Variants in NEK1 observed in about 807,000 individuals in gnomAD.
The protein encoded by NEK1 is NIMA related kinase 1.
A neutral mutation model predicts 182.1 loss-of-function variants in NEK1; 137 were observed. The ratio of observed to expected loss-of-function variants is 0.75; its 90% CI spans 0.65 to 0.87. The LOEUF is 0.87. NEK1 is among the 40% of genes least tolerant of loss of function. The probability of loss-of-function intolerance (pLI) is 0.00; values close to 1 mark genes in which losing one functional copy is unlikely to be tolerated. For synonymous variants in NEK1, 513 were observed against 492.2 expected, an observed-to-expected ratio of 1.04 and a Z score of -0.56; for missense variants, 1,391 against 1,494.4, an observed-to-expected ratio of 0.93 and a Z score of 1.14.
At chr4:169,518,732 C>A (rs1165702030) in intron 19 of NEK1, among the ~76,000 whole-genome samples, 1 of 78,128 alleles carries the variant, frequency 1.3e-5, no homozygotes, top group Non-Finnish European at 2.3e-5. Flanking sequence ...TTTCAAAGAA[C>A]ATCTTTATTT....
rs796576194 is a variant in NEK1, at chr4:169,611,240, T to A, written c.-49+780A>T. ...CTGTGGTCAAGTCCGACGACCTTTATTAAATTCCTGACAGTGACTTTTAAC... is the reference window on the plus strand; with the variant it reads ...CTGTGGTCAAGTCCGACGACCTTTAATAAATTCCTGACAGTGACTTTTAAC... On this transcript the variant is annotated intron_variant, in intron 2 of 35. Transcript: ENST00000507142. Among the ~76,000 whole-genome samples the A allele has an allele frequency of 1.1e-4, 17 of 152,366 alleles. 1 individual carries two copies. Among genetic ancestry groups the A allele is most frequent in the African/African-American group, 4.1e-4 (17 of 41,582 alleles).
At chr4:169,555,109 G>A (rs930709143) in intron 18 of NEK1, 31 of 152,220 alleles carry the variant, frequency 2.0e-4, no homozygotes, top group African/African-American at 7.5e-4. Flanking sequence ...AAAAATAGAT[G>A]CTTCATATAT....
chr4:169,472,524 C>T (rs1017529278), intron 26 of NEK1, among the ~76,000 whole-genome samples: 2 of 152,232 alleles, frequency 1.3e-5, no homozygotes, highest in East Asian at 3.9e-4. Context: ...ATGCAGAAAT[C>T]ACCTGCCTTC....
Position 169,569,748 on chromosome 4 carries a change from CCTCCCGAGGT to C in NEK1, c.1020+7170_1020+7179del, listed in dbSNP as rs756349255. ...ACTGCGAGTGATCCGCCAGCCTCGGCCTCCCGAGGTGCCGGGATTGCAGACGGAGTCTCGT... is the reference window on the plus strand; with the variant it reads ...ACTGCGAGTGATCCGCCAGCCTCGGCGCCGGGATTGCAGACGGAGTCTCGT... On this transcript the variant is annotated intron_variant, in intron 12 of 35. Transcript: ENST00000507142. 4.0e-3 allele frequency among the ~76,000 whole-genome samples: 606 copies of C among 152,316 alleles called. 5 individuals are homozygous for C. Among genetic ancestry groups the C allele is most frequent in the South Asian group, 0.03 (146 of 4,826 alleles).
At chr4:169,559,611 G>GA (rs201869710) in intron 16 of NEK1, among the ~76,000 whole-genome samples, 279 of 151,798 alleles carry the variant, frequency 1.8e-3, no homozygotes, top group African/African-American at 6.6e-3. Flanking sequence ...AACTTTTGGA[G>GA]AAAAAAAACC....
At chr4:169,470,382 T>A (rs66950983) in intron 26 of NEK1, among the ~76,000 whole-genome samples, 6,279 of 152,302 alleles carry the variant, frequency 0.041, 171 homozygotes, top group African/African-American at 0.063. Context: ...CTTATGAAGC[T>A]TAGTTTGACT....
chr4:169,529,052 T>C (rs991816820), intron 19 of NEK1, among the ~76,000 whole-genome samples: 4 of 152,132 alleles, frequency 2.6e-5, no homozygotes, highest in African/African-American at 4.8e-5. Context: ...CAAGAAAAAT[T>C]AGAATACATT....
At chr4:169,532,520 C>G (rs188428040) in intron 19 of NEK1, among the ~76,000 whole-genome samples, 1 of 152,282 alleles carries the variant, frequency 6.6e-6, no homozygotes, top group East Asian at 1.9e-4. Context: ...AACAAATGTA[C>G]TGCTCTGCTA....
intron 26 of NEK1, 44 bp from the exon 27 acceptor site, chr4:169,463,439 A>T: frequency 1.4e-6 from 2 of 1,437,038 alleles, no homozygotes; most frequent in Non-Finnish European, 1.9e-6. Flanking sequence ...ATAACAGTAT[A>T]ATAATACTGC....
At chr4:169,601,292 A>G (rs1770452620) in intron 4 of NEK1, among the ~76,000 whole-genome samples, 1 of 152,176 alleles carries the variant, frequency 6.6e-6, no homozygotes, top group Non-Finnish European at 1.5e-5. Context: ...TCTACTTTCA[A>G]TCTAGATTAC....
intron 23 of NEK1, among the ~76,000 whole-genome samples, chr4:169,498,919 T>C (rs888840249): frequency 2.6e-5 from 4 of 152,226 alleles, no homozygotes; most frequent in African/African-American, 9.6e-5. Context: ...CTTTGTGGCA[T>C]TCTCTGTATT....
At chr4:169,442,042 C>A (rs1182230992) in intron 27 of NEK1, among the ~76,000 whole-genome samples, 1 of 152,174 alleles carries the variant, frequency 6.6e-6, no homozygotes, top group African/African-American at 2.4e-5. Flanking sequence ...ACCACCACTG[C>A]TGGTGCCCAT....
chr4:169,440,906 G>C (rs1245092955), intron 27 of NEK1, among the ~76,000 whole-genome samples: 1 of 152,168 alleles, frequency 6.6e-6, no homozygotes, highest in African/African-American at 2.4e-5. Context: ...CTGCAACATG[G>C]TGCCACTTTG....
chr4:169,429,156 T>A (rs564509508), intron 29 of NEK1, among the ~76,000 whole-genome samples: 18 of 152,174 alleles, frequency 1.2e-4, no homozygotes, highest in Non-Finnish European at 2.6e-4. Context: ...CTTGAGTATA[T>A]GTAGATTTTG....
At chr4:169,548,234 T>G (rs968231466) in intron 18 of NEK1, among the ~76,000 whole-genome samples, 2 of 152,226 alleles carry the variant, frequency 1.3e-5, no homozygotes, top group Non-Finnish European at 2.9e-5. Context: ...CTGCTGCAGG[T>G]CTGCTGGAAT....
intron 19 of NEK1, among the ~76,000 whole-genome samples, chr4:169,509,769 TA>T (rs1472255543): frequency 1.3e-5 from 2 of 152,128 alleles, no homozygotes; most frequent in African/African-American, 2.4e-5. Flanking sequence ...GAAAATTTAT[TA>T]AAAAATAAAG....
intron 27 of NEK1, among the ~76,000 whole-genome samples, chr4:169,447,614 C>T (rs1006174667): frequency 6.6e-6 from 1 of 152,072 alleles, no homozygotes; most frequent in Non-Finnish European, 1.5e-5. Flanking sequence ...CGCCTGTAAT[C>T]CCAGCATTTT....
intron 26 of NEK1, 37 bp downstream of exon 26, chr4:169,477,087 A>G (rs959380948): frequency 1.6e-5 from 23 of 1,407,258 alleles, no homozygotes; most frequent in Middle Eastern, 3.5e-4. Flanking sequence ...CATATGTACT[A>G]GACCTAAATA....
At chr4:169,593,493 G>A (rs973406256) in intron 5 of NEK1, among the ~76,000 whole-genome samples, 8 of 152,184 alleles carry the variant, frequency 5.3e-5, no homozygotes, top group African/African-American at 1.7e-4. Context: ...ACAGTCTGGA[G>A]GTGATAAAAT....
Sources: gnomAD v4.1 joint callset for allele counts (sites outside exome capture counted in the v4.1 genomes callset) on GRCh38, gnomAD v4.1.1 for gene constraint, MANE v1.5 for transcripts, NCBI Gene and HGNC (gene_info 2026-07-23, HGNC 2026-07-21) for gene names.